Variants in ITPR2 observed in about 807,000 individuals in gnomAD.
ITPR2 encodes the protein inositol 1,4,5-trisphosphate receptor type 2, also known as inositol 1,4,5-trisphosphate-gated calcium channel ITPR2.
ITPR2 carries 207 observed loss-of-function variants against 317.1 expected under a neutral mutation model. The ratio of observed to expected loss-of-function variants is 0.65; its 90% CI spans 0.58 to 0.73. The LOEUF (loss-of-function observed/expected upper bound fraction) is 0.73. Ranked by LOEUF, ITPR2 falls within the 30% of genes least tolerant of loss-of-function variation. ITPR2 has a pLI of 0.00. For missense variants in ITPR2, 2,613 were observed against 3,284.0 expected (o/e 0.80, Z 4.99); for synonymous variants, 1,156 against 1,149.1 (o/e 1.01, Z -0.12).
At chr12:26,749,533 T>G (rs1475995810) in intron 2 of ITPR2, among the ~76,000 whole-genome samples, 1 of 152,188 alleles carries the variant, frequency 6.6e-6, no homozygotes, top group Non-Finnish European at 1.5e-5. Flanking sequence ...TTTTCGAGTA[T>G]TGTGTCAGGG....
Position 26,692,945 on chromosome 12 carries a change from G to A in ITPR2, c.996+2661C>T, listed in dbSNP as rs1033561888. Among the ~76,000 whole-genome samples, 16 of 152,176 alleles carry A rather than the reference G, an allele frequency of 1.1e-4. 1 individual carries two copies. Among genetic ancestry groups the A allele is most frequent in the Admixed American group, 7.2e-4 (11 of 15,288 alleles). On this transcript the variant is annotated intron_variant, in intron 10 of 56. Coordinates refer to ENST00000381340, the MANE Select transcript of ITPR2 (RefSeq NM_002223.4). ...GGGAAACTGATTGCATATTTCACAGGCTGGAGATAAACTCTAACAGCTCCT... is the reference window on the plus strand; with the variant it reads ...GGGAAACTGATTGCATATTTCACAGACTGGAGATAAACTCTAACAGCTCCT...
rs144966445 is a variant in ITPR2 at position 26,633,884 on chromosome 12, CCA to C, written c.2741-1827_2741-1826del. ...TGATTCACACACAAATCCTTGGCAC[CCA>C]CAGTGTCTGCATCTTATTTAGATTT... On this transcript the variant is annotated intron_variant, in intron 21 of 56. Transcript: ENST00000381340. 8.3e-3 allele frequency among the ~76,000 whole-genome samples: 1,267 copies of C among 152,322 alleles called. 12 individuals carry two copies. Among genetic ancestry groups the C allele is most frequent in the Non-Finnish European group, 0.014 (934 of 68,026 alleles).
At chr12:26,506,206 C>A (rs2062351) in intron 37 of ITPR2, among the ~76,000 whole-genome samples, 104,444 of 150,654 alleles carry the variant, frequency 0.69, 38,025 homozygotes, top group Non-Finnish European at 0.83. Flanking sequence ...TCTTCTCTAC[C>A]AAATTAAAAA....
chr12:26,631,966 T>G lies in ITPR2; in HGVS notation c.2834A>C (p.Asp945Ala), dbSNP rs747653191. Residue 945 changes from aspartate (D) to alanine (A), a missense_variant, in exon 22 of 57, where the codon GAT (aspartate) becomes GCT (alanine). Asp to Ala is a moderately radical substitution (Grantham distance 126, BLOSUM62 -2). Coordinates refer to ENST00000381340, the MANE Select transcript of ITPR2 (RefSeq NM_002223.4). Reference protein sequence around the residue: ...RGSIFPMSVPDVPPSIHPSKQ... With the variant: ...RGSIFPMSVPAVPPSIHPSKQ... Reference sequence around the variant, plus strand: ...GCTCGGGTGGATGCTGGGTGGCACATCCGGCACGCTCATGGGGAAGATGGA... The same window carrying G: ...GCTCGGGTGGATGCTGGGTGGCACAGCCGGCACGCTCATGGGGAAGATGGA... 3 of 1,613,642 alleles carry G rather than the reference T, an allele frequency of 1.9e-6. No individual in the cohort carries two copies. The highest frequency in any genetic ancestry group is 2.5e-6 in the Non-Finnish European group (3 of 1,179,856).
At chr12:26,521,631 C>T (rs1425952695) in intron 37 of ITPR2, among the ~76,000 whole-genome samples, 7 of 151,970 alleles carry the variant, frequency 4.6e-5, no homozygotes, top group Non-Finnish European at 1.0e-4. Flanking sequence ...CAAAACAAGA[C>T]GATCTTCGTA....
intron 14 of ITPR2, 58 bp from the exon 15 acceptor site, chr12:26,663,904 T>G (rs1341765492): frequency 7.0e-7 from 1 of 1,429,112 alleles, no homozygotes; most frequent in African/African-American, 1.4e-5. Context: ...GCAACCTTTT[T>G]TTTTTAACAA....
At chr12:26,414,050 T>TACACACACACACACACACAC (rs777855580) in intron 51 of ITPR2, among the ~76,000 whole-genome samples, 11 of 138,208 alleles carry the variant, frequency 8.0e-5, no homozygotes, top group African/African-American at 3.1e-4. Context: ...TGTATATATG[T>TACACACACACACACACACAC]ACACACACAC....
At chr12:26,501,660 G>GA (rs886407903) in intron 37 of ITPR2, among the ~76,000 whole-genome samples, 4 of 152,124 alleles carry the variant, frequency 2.6e-5, no homozygotes. Flanking sequence ...AGAGCCTTGT[G>GA]AAAAAACAAG....
chr12:26,711,323 CAAACACCAA>C, intron 8 of ITPR2, 55 bp from the exon 9 acceptor site: 1 of 1,175,582 alleles, frequency 8.5e-7, no homozygotes, highest in African/African-American at 1.5e-5. Flanking sequence ...TCCTGGCAAG[CAAACACCAA>C]CAGTTTACAT....
intron 45 of ITPR2, among the ~76,000 whole-genome samples, chr12:26,462,629 A>C (rs956486626): frequency 6.6e-6 from 1 of 150,534 alleles, no homozygotes; most frequent in African/African-American, 2.4e-5. Context: ...CTTCCTCAAC[A>C]TGCCTTCAGG....
At chr12:26,518,511 C>T (rs1328423273) in intron 37 of ITPR2, among the ~76,000 whole-genome samples, 1 of 149,218 alleles carries the variant, frequency 6.7e-6, no homozygotes, top group Non-Finnish European at 1.5e-5. Flanking sequence ...ACCCCCGAAC[C>T]TAAAATAAAT....
intron 1 of ITPR2, among the ~76,000 whole-genome samples, chr12:26,798,619 G>C (rs1374666510): frequency 1.3e-5 from 2 of 152,114 alleles, no homozygotes; most frequent in African/African-American, 4.8e-5. Context: ...CAACACTCAA[G>C]TTGCCCAAAT....
At chr12:26,714,292 C>G (rs1455039479) in intron 8 of ITPR2, among the ~76,000 whole-genome samples, 1 of 152,142 alleles carries the variant, frequency 6.6e-6, no homozygotes, top group Non-Finnish European at 1.5e-5. Flanking sequence ...TCTCCTAACA[C>G]TGGTTATCAT....
At chr12:26,754,289 A>G (rs567165906) in intron 2 of ITPR2, among the ~76,000 whole-genome samples, 1 of 152,194 alleles carries the variant, frequency 6.6e-6, no homozygotes, top group East Asian at 1.9e-4. Flanking sequence ...ACTTTTGAAA[A>G]CTGTTCAATT....
chr12:26,448,552 G>C (rs1392075170), intron 45 of ITPR2, among the ~76,000 whole-genome samples: 1 of 152,100 alleles, frequency 6.6e-6, no homozygotes, highest in East Asian at 1.9e-4. Context: ...AACTAGGCCT[G>C]AGATAATTTA....
At chr12:26,788,364 G>A (rs775186021) in intron 2 of ITPR2, among the ~76,000 whole-genome samples, 3 of 152,192 alleles carry the variant, frequency 2.0e-5, no homozygotes, top group South Asian at 2.1e-4. Context: ...TCTGAGGCTC[G>A]AAGCAGGTAG....
At chr12:26,357,721 G>C (rs1938686525) in intron 55 of ITPR2, among the ~76,000 whole-genome samples, 1 of 152,102 alleles carries the variant, frequency 6.6e-6, no homozygotes, top group African/African-American at 2.4e-5. Flanking sequence ...AGCCTGAGTG[G>C]GCAGTGCCAA....
chr12:26,717,798 G>A (rs1327456438), intron 5 of ITPR2, among the ~76,000 whole-genome samples: 1 of 152,166 alleles, frequency 6.6e-6, no homozygotes, highest in East Asian at 1.9e-4. Flanking sequence ...TCTTTACATT[G>A]TTTTCTATCT....
At chr12:26,383,787 C>T (rs1347121304) in intron 55 of ITPR2, among the ~76,000 whole-genome samples, 2 of 152,014 alleles carry the variant, frequency 1.3e-5, no homozygotes, top group Non-Finnish European at 2.9e-5. Context: ...TGAGCCACCA[C>T]ACCCAACCTC....
Sources: allele counts gnomAD v4.1 joint callset (sites outside exome capture counted in the v4.1 genomes callset), GRCh38; gene constraint gnomAD v4.1.1; transcripts MANE v1.5; gene names NCBI Gene and HGNC (gene_info 2026-07-23, HGNC 2026-07-21).